PMFBP1: variants seen among roughly 807,000 people sequenced by gnomAD.
PMFBP1 encodes the protein polyamine modulated factor 1 binding protein 1, also known as polyamine-modulated factor 1-binding protein 1.
A neutral mutation model predicts 137.8 loss-of-function variants in PMFBP1; 131 were observed. That is an observed-to-expected ratio of 0.95 (90% confidence interval 0.82 to 1.10). PMFBP1 has a LOEUF of 1.10. Ranked by LOEUF, PMFBP1 falls within the 50% of genes least tolerant of loss-of-function variation. PMFBP1 has a pLI of 0.00. For synonymous variants in PMFBP1, 490 were observed against 450.4 expected (o/e 1.09, Z -1.11); for missense variants, 1,199 against 1,175.4 (o/e 1.02, Z -0.29).
the PMFBP1 span, among the ~76,000 whole-genome samples, chr16:72,189,933 T>A: frequency 6.6e-6 from 1 of 152,156 alleles, no homozygotes; most frequent in Admixed American, 6.5e-5. Flanking sequence ...TGAGTCTGCC[T>A]CTGGGTGAGT....
chr16:72,140,561 G>A lies in PMFBP1; in HGVS notation c.658C>T (p.His220Tyr). ...MGQEPENKGD[H>Y]SKVRIYTSPC... ...GAAGTGTATATCCGTACCTTTGAAT[G>A]ATCACCCTTGTTCTCAGGCTCCTGA... The change falls in exon 6 of 21, where the codon CAT (histidine) becomes TAT (tyrosine). Residue 220 changes from histidine (H) to tyrosine (Y), a missense_variant. Coordinates refer to ENST00000237353, the MANE Select transcript of PMFBP1 (RefSeq NM_031293.3). The A allele has an allele frequency of 6.2e-7, 1 of 1,613,664 alleles. No homozygotes were observed. Among genetic ancestry groups the A allele is most frequent in the Non-Finnish European group, 8.5e-7 (1 of 1,179,674 alleles).
At chr16:72,202,473 T>A in the PMFBP1 span, among the ~76,000 whole-genome samples, 4 of 152,330 alleles carry the variant, frequency 2.6e-5, no homozygotes, top group South Asian at 4.1e-4. Context: ...CCACTGAGCC[T>A]GGCCCTGACG....
At chr16:72,133,132 T>C in intron 9 of PMFBP1, 141 bp from the exon 10 acceptor site, 1 of 862,952 alleles carries the variant, frequency 1.2e-6, no homozygotes, top group Non-Finnish European at 1.8e-6. Flanking sequence ...TCCACTCCTG[T>C]TCCCCTCAGG....
At chr16:72,207,463 C>G in the PMFBP1 span, among the ~76,000 whole-genome samples, 2 of 152,130 alleles carry the variant, frequency 1.3e-5, no homozygotes. Flanking sequence ...AGTTGCAAGG[C>G]TAATAGGTAG....
chr16:72,143,989 C>T (rs763562492), intron 5 of PMFBP1, among the ~76,000 whole-genome samples: 3 of 151,576 alleles, frequency 2.0e-5, no homozygotes, highest in Non-Finnish European at 2.9e-5. Flanking sequence ...TGCAGTGAGC[C>T]GAGATTGCAC....
chr16:72,164,908 C>T lies in PMFBP1; in HGVS notation c.21G>A (p.Glu7=). ...TCAGGCTGCTCACTTCTCTGTCTCTCTCCCCCGCCTAGGCAGCCAGAAAAA... is the reference window on the plus strand; with the variant it reads ...TCAGGCTGCTCACTTCTCTGTCTCTTTCCCCCGCCTAGGCAGCCAGAAAAA... MKDEAG[E]RDREVSSLNS... is the part of the protein sequence containing the mutation. Residue 7 remains glutamate (E), a synonymous_variant, in exon 3 of 21, where the codon GAG becomes GAA. Coordinates refer to ENST00000237353, the MANE Select transcript of PMFBP1 (RefSeq NM_031293.3). The T allele has an allele frequency of 3.2e-6, 5 of 1,585,744 alleles. No homozygotes were observed. The highest frequency in any genetic ancestry group is 1.3e-5 in the African/African-American group (1 of 74,352).
intron 4 of PMFBP1, 119 bp from the exon 5 acceptor site, chr16:72,150,948 G>T: frequency 2.4e-6 from 2 of 819,544 alleles, no homozygotes; most frequent in Non-Finnish European, 4.1e-6. Context: ...CAGATGAACA[G>T]AAGAGAGGCT....
rs915138804 is a variant in PMFBP1 at position 72,157,196 on chromosome 16, A to C, written c.166-2737T>G. 8.1e-5 allele frequency among the ~76,000 whole-genome samples: 12 copies of C among 148,012 alleles called. 1 individual carries two copies. The highest frequency in any genetic ancestry group is 2.2e-4 in the South Asian group (1 of 4,564). ...GAGACTCCATCTCAAAAAAAAAAAA[A>C]AAAAAAAAAAAAAAACCAGACAAAA... On this transcript the variant is annotated intron_variant, in intron 3 of 20. Coordinates refer to ENST00000237353, the MANE Select transcript of PMFBP1 (RefSeq NM_031293.3).
rs1291393751 is a variant in PMFBP1, at chr16:72,126,095, G to T, written c.2126C>A (p.Ala709Asp). 2 of 1,614,176 alleles carry T rather than the reference G, an allele frequency of 1.2e-6. No individual in the cohort carries two copies. The highest frequency in any genetic ancestry group is 1.7e-6 in the Non-Finnish European group (2 of 1,180,022). ...CTTCTGCAGAGCTTTGTCCAGCTGG[G>T]CCTGCAGGCTCATTAAGGACTCCTT... ...LQKESLMSLQ[A>D]QLDKALQKEK... Residue 709 changes from alanine to aspartate, a missense_variant, in exon 15 of 21, where the codon GCC becomes GAC. By Grantham distance (126) the Ala-to-Asp change is moderately radical. Transcript: ENST00000237353.
chr16:72,125,147 G>T lies in PMFBP1; in HGVS notation c.2421+91C>A, dbSNP rs748227856. On this transcript the variant is annotated intron_variant, in intron 16 of 20. Transcript: ENST00000237353. ...GTGGAGGGAACCTAGCAGCCCAAGG[G>T]AATGACTTAGTGCTAAATAATTCTG... 1.3e-5 allele frequency: 19 copies of T among 1,493,052 alleles called. No individual in the cohort carries two copies. The African/African-American group carries it at 2.5e-4, about 20-fold the overall frequency. 92.5% of individuals were successfully genotyped at this position (1,493,052 alleles called of 1,614,324 possible).
chr16:72,215,591 C>T, the PMFBP1 span, among the ~76,000 whole-genome samples: 2 of 152,150 alleles, frequency 1.3e-5, no homozygotes, highest in African/African-American at 2.4e-5. Context: ...TTGTCTTAGA[C>T]CCTTGCAGAA....
chr16:72,119,247 C>T lies in PMFBP1; in HGVS notation c.*91G>A, dbSNP rs2042340293. The T allele has an allele frequency of 7.1e-7, 1 of 1,417,702 alleles. No individual in the cohort carries two copies. The allele number at this position is 1,417,702 out of a possible 1,614,324, so 87.8% of individuals were successfully genotyped here. ...GGACCGTGATATACTCCTGTAAGAG[C>T]TGATCCAGGTCAAGAGAGAGGGAGG... On this transcript the variant is annotated 3_prime_UTR_variant, in exon 21 of 21. Transcript: ENST00000237353.
the PMFBP1 span, among the ~76,000 whole-genome samples, chr16:72,192,710 T>G: frequency 6.6e-6 from 1 of 152,050 alleles, no homozygotes. Context: ...AAGACCATCC[T>G]GGCCAATATG....
the PMFBP1 span, among the ~76,000 whole-genome samples, chr16:72,190,593 G>T: frequency 6.6e-6 from 1 of 152,154 alleles, no homozygotes; most frequent in Non-Finnish European, 1.5e-5. Context: ...GACAGAGAGG[G>T]AGTGAAATGG....
At chr16:72,189,193 A>C in the PMFBP1 span, among the ~76,000 whole-genome samples, 1 of 152,156 alleles carries the variant, frequency 6.6e-6, no homozygotes, top group African/African-American at 2.4e-5. Flanking sequence ...TTCATTCTAC[A>C]GTTGAGGAAA....
chr16:72,198,204 G>A, the PMFBP1 span, among the ~76,000 whole-genome samples: 7 of 152,132 alleles, frequency 4.6e-5, no homozygotes, highest in African/African-American at 7.2e-5. Context: ...AGAGCAGATC[G>A]CACCAAGTCA....
rs1366132288 is a variant in PMFBP1 at position 72,165,437 on chromosome 16, C to T, written c.13-521G>A. Among the ~76,000 whole-genome samples, 8 of 146,938 alleles carry T rather than the reference C, an allele frequency of 5.4e-5. No individual in the cohort carries two copies. In the East Asian group the frequency reaches 6.0e-4, roughly 11 times the overall value. Reference sequence around the variant, plus strand: ...TTCTTTCTTTTTTTTTTTTTTGAGACGGAGACTTGCTCTATTGCCCAGGCT... The same window carrying T: ...TTCTTTCTTTTTTTTTTTTTTGAGATGGAGACTTGCTCTATTGCCCAGGCT... On this transcript the variant is annotated intron_variant, in intron 2 of 20. Transcript: ENST00000237353.
chr16:72,189,726 G>T, the PMFBP1 span, among the ~76,000 whole-genome samples: 3 of 151,918 alleles, frequency 2.0e-5, no homozygotes, highest in Non-Finnish European at 4.4e-5. Flanking sequence ...CTGAGACCAT[G>T]GTATTGCAGT....
the PMFBP1 span, among the ~76,000 whole-genome samples, chr16:72,196,439 G>C: frequency 2.0e-5 from 3 of 152,110 alleles, no homozygotes; most frequent in African/African-American, 7.2e-5. Context: ...CCCAACCTCT[G>C]ACATGTGCAG....
Sources: gnomAD v4.1 joint callset for allele counts (sites outside exome capture counted in the v4.1 genomes callset) on GRCh38, gnomAD v4.1.1 for gene constraint, MANE v1.5 for transcripts, NCBI Gene and HGNC (gene_info 2026-07-23, HGNC 2026-07-21) for gene names.